NEMP2: variants seen among roughly 807,000 people sequenced by gnomAD.
The protein encoded by NEMP2 is nuclear envelope integral membrane protein 2, also known as UPF0571 transmembrane protein.
A neutral mutation model predicts 54.2 loss-of-function variants in NEMP2; 53 were observed. The ratio of observed to expected loss-of-function variants is 0.98; its 90% CI spans 0.78 to 1.23. The LOEUF (loss-of-function observed/expected upper bound fraction) is 1.23. Ranked by LOEUF, NEMP2 falls within the 50% of genes most tolerant of loss-of-function variation. The pLI is 0.00. For missense variants in NEMP2, 455 were observed against 511.3 expected, an observed-to-expected ratio of 0.89 and a Z score of 1.06; for synonymous variants, 197 against 190.3, an observed-to-expected ratio of 1.04 and a Z score of -0.29.
chr2:190,646,888 T>A, the NEMP2 span: 1 of 152,234 alleles, frequency 6.6e-6, no homozygotes, highest in African/African-American at 2.4e-5. Context: ...GACTCATGAA[T>A]CCGTGATTAT....
downstream of NEMP2, chr2:190,500,183 G>C (rs770158252): frequency 3.7e-6 from 6 of 1,614,180 alleles, no homozygotes; most frequent in South Asian, 4.4e-5. The surrounding 1 kb of genome is among the most constrained non-coding windows in gnomAD (Gnocchi z 5.3). Context: ...GGAGAGTGAA[G>C]AGCAGCAGGC....
At chr2:190,580,732 T>C in the NEMP2 span, among the ~76,000 whole-genome samples, 2 of 152,280 alleles carry the variant, frequency 1.3e-5, no homozygotes, top group African/African-American at 2.4e-5. This position sits in a 1 kb window ranked among gnomAD's most constrained non-coding sequence, Gnocchi z 5.3. Flanking sequence ...TTTGCTTAAA[T>C]AGCTTTCTGA....
At chr2:190,622,958 T>G in the NEMP2 span, among the ~76,000 whole-genome samples, 15 of 151,978 alleles carry the variant, frequency 9.9e-5, no homozygotes, top group Non-Finnish European at 2.2e-4. Context: ...ACCAAAAAAC[T>G]AGAACAGACA....
the NEMP2 span, chr2:190,436,421 G>C: frequency 1.2e-6 from 2 of 1,614,094 alleles, no homozygotes; most frequent in East Asian, 4.5e-5. The surrounding 1 kb of genome is among the most constrained non-coding windows in gnomAD (Gnocchi z 5.3). Context: ...TTTAAAAAAG[G>C]CAAAATTGTC....
chr2:190,599,087 G>A, the NEMP2 span, among the ~76,000 whole-genome samples: 1 of 152,108 alleles, frequency 6.6e-6, no homozygotes, highest in East Asian at 1.9e-4. Context: ...AAAATCAGAT[G>A]TGTTTCTTCT....
the NEMP2 span, among the ~76,000 whole-genome samples, chr2:190,474,939 C>G: frequency 6.6e-6 from 1 of 152,172 alleles, no homozygotes; most frequent in African/African-American, 2.4e-5. Context: ...TGTAATCCAG[C>G]ATATAAACAG....
At chr2:190,641,522 A>C in the NEMP2 span, 1 of 152,834 alleles carries the variant, frequency 6.5e-6, no homozygotes, top group African/African-American at 2.4e-5. Context: ...CTTGACATTC[A>C]TCTCAGCAAA....
chr2:190,481,026 T>C, the NEMP2 span, among the ~76,000 whole-genome samples: 1 of 152,242 alleles, frequency 6.6e-6, no homozygotes, highest in African/African-American at 2.4e-5. Context: ...GGCTAGTCAG[T>C]GCACACTATT....
At chr2:190,458,791 G>A in the NEMP2 span, among the ~76,000 whole-genome samples, 2 of 152,164 alleles carry the variant, frequency 1.3e-5, no homozygotes, top group Non-Finnish European at 2.9e-5. The surrounding 1 kb of genome is among the most constrained non-coding windows in gnomAD (Gnocchi z 5.3). Context: ...ATGACCAGAG[G>A]TGTAGCTTTA....
chr2:190,456,977 C>T, the NEMP2 span, among the ~76,000 whole-genome samples: 4 of 152,158 alleles, frequency 2.6e-5, no homozygotes, highest in African/African-American at 7.2e-5. This position sits in a 1 kb window ranked among gnomAD's most constrained non-coding sequence, Gnocchi z 5.4. Context: ...AAATGTCAAC[C>T]GTCTTCTGAT....
At chr2:190,471,328 T>C in the NEMP2 span, among the ~76,000 whole-genome samples, 1 of 152,150 alleles carries the variant, frequency 6.6e-6, no homozygotes, top group Admixed American at 6.5e-5. The surrounding 1 kb of genome is among the most constrained non-coding windows in gnomAD (Gnocchi z 4.7). Context: ...GGTCAGGGAA[T>C]TCCCTTTCCT....
chr2:190,545,409 A>C, the NEMP2 span, among the ~76,000 whole-genome samples: 1 of 152,272 alleles, frequency 6.6e-6, no homozygotes, highest in Non-Finnish European at 1.5e-5. Flanking sequence ...CAGTGAGAGA[A>C]GATGAGTTAT....
chr2:190,442,291 C>T, the NEMP2 span, among the ~76,000 whole-genome samples: 1 of 151,964 alleles, frequency 6.6e-6, no homozygotes, highest in African/African-American at 2.4e-5. Flanking sequence ...TATTTAGGCC[C>T]AAAGAGCCTC....
the NEMP2 span, among the ~76,000 whole-genome samples, chr2:190,474,792 A>T: frequency 6.6e-6 from 1 of 152,246 alleles, no homozygotes; most frequent in Non-Finnish European, 1.5e-5. Context: ...AATATTCCTG[A>T]TGAAGATAGA....
At chr2:190,532,516 A>T (rs959803565) in intron 1 of NEMP2, among the ~76,000 whole-genome samples, 4 of 151,602 alleles carry the variant, frequency 2.6e-5, no homozygotes, top group Admixed American at 2.0e-4. Context: ...ATTATGGGAA[A>T]CTCTTGAAGT....
chr2:190,422,474 G>A, the NEMP2 span, among the ~76,000 whole-genome samples: 1 of 152,140 alleles, frequency 6.6e-6, no homozygotes. Context: ...GATAAATTTT[G>A]TGAGAAATTG....
chr2:190,643,459 G>A, the NEMP2 span, among the ~76,000 whole-genome samples: 1 of 152,180 alleles, frequency 6.6e-6, no homozygotes, highest in Non-Finnish European at 1.5e-5. Context: ...TGGGCTGTGG[G>A]ACAGAGATCT....
intron 5 of NEMP2, 35 bp from the exon 6 acceptor site, chr2:190,516,419 G>A: frequency 2.7e-6 from 4 of 1,472,656 alleles, no homozygotes; most frequent in Non-Finnish European, 3.7e-6. Context: ...CACATTTTTT[G>A]GTTCATTCAC....
At position 190,510,632 on chromosome 2, in the gene NEMP2, A is replaced by G. The variant is rs1466206995; in HGVS notation, c.954-95T>C. The G allele has an allele frequency of 1.5e-6, 2 of 1,372,110 alleles. No homozygotes were observed. The highest frequency in any genetic ancestry group is 2.9e-5 in the African/African-American group (2 of 69,434). The allele number at this position is 1,372,110 out of a possible 1,614,324, so 85.0% of individuals were successfully genotyped here. A position where few individuals can be genotyped will look rare whatever the true frequency, so the allele number is the denominator to read the frequency against. ...GCTCGGTGGCTCACGCCTGTAATCC[A>G]GCATTTTGGGAGGCCTGGGGAGGCG... is the stretch of plus-strand genomic sequence containing the variant. On this transcript the variant is annotated intron_variant, in intron 7 of 8. Transcript: ENST00000409150. This position sits in a 1 kb window ranked among gnomAD's most constrained non-coding sequence, Gnocchi z 5.7.
Sources: allele counts gnomAD v4.1 joint callset (sites outside exome capture counted in the v4.1 genomes callset), GRCh38; gene constraint gnomAD v4.1.1; non-coding constraint Gnocchi (gnomAD v3.1); transcripts MANE v1.5; gene names NCBI Gene and HGNC (gene_info 2026-07-23, HGNC 2026-07-21).